The following ATP8B2 variants were observed in gnomAD, a reference collection of about 807,000 sequenced individuals.
The protein encoded by ATP8B2 is ATPase phospholipid transporting 8B2.
ATP8B2 carries 70 observed loss-of-function variants against 133.4 expected under a neutral mutation model. That is an observed-to-expected ratio of 0.52 (90% CI 0.43 to 0.64). The LOEUF is 0.64. Among genes scored for constraint, ATP8B2 ranks in the 30% least tolerant of loss-of-function variants. The probability of loss-of-function intolerance (pLI) is 0.00; values close to 1 mark genes in which losing one functional copy is unlikely to be tolerated. For missense variants in ATP8B2, 1,101 were observed against 1,535.7 expected, an observed-to-expected ratio of 0.72 and a Z score of 4.73; for synonymous variants, 517 against 589.5, an observed-to-expected ratio of 0.88 and a Z score of 1.78.
Position 154,328,277 on chromosome 1 carries a change from G to A in ATP8B2, c.31+105G>A. On this transcript the variant is annotated intron_variant, in intron 2 of 27. Transcript: ENST00000368489. The surrounding 1 kb of genome is among the most constrained non-coding windows in gnomAD (Gnocchi z 4.6). ...GACAACTGGTATGGGTCTGAGGGAG[G>A]GTAGCTTACAGCAGCCCCTACCCAG... The A allele has an allele frequency of 7.9e-7, 1 of 1,268,716 alleles. No individual in the cohort carries two copies. Among genetic ancestry groups the A allele is most frequent in the South Asian group, 1.2e-5 (1 of 83,348 alleles). The allele number at this position is 1,268,716 out of a possible 1,614,324, so 78.6% of individuals were successfully genotyped here. A position where few individuals can be genotyped will look rare whatever the true frequency, so the allele number is the denominator to read the frequency against.
intron 1 of ATP8B2, 145 bp downstream of exon 1, chr1:154,325,847 G>A (rs1570840531): frequency 6.5e-6 from 1 of 153,954 alleles, no homozygotes; most frequent in Non-Finnish European, 1.4e-5. Flanking sequence ...TGGGAGCTGC[G>A]GCCAGACGGG....
chr1:154,336,591 G>A (rs1686190810), intron 11 of ATP8B2, among the ~76,000 whole-genome samples: 1 of 150,092 alleles, frequency 6.7e-6, no homozygotes, highest in South Asian at 2.1e-4. Context: ...GGGTTCACGT[G>A]ATTCTCCTGC....
chr1:154,340,656 C>T lies in ATP8B2; in HGVS notation c.1035-198C>T, dbSNP rs995947049. ...CTGGAGAGCATCAGGAGGGTCGGGT[C>T]GGGGCGTTCCTCTGCTGGCTGTGTG... On this transcript the variant is annotated intron_variant, in intron 12 of 27. Coordinates refer to ENST00000368489, the MANE Select transcript of ATP8B2 (RefSeq NM_001370597.1). The surrounding 1 kb of genome is among the most constrained non-coding windows in gnomAD (Gnocchi z 4.0). 34 of 608,502 alleles carry T rather than the reference C, an allele frequency of 5.6e-5. 1 individual carries two copies. The South Asian group carries it at 5.7e-4, about 10-fold the overall frequency. 37.7% of individuals were successfully genotyped at this position (608,502 alleles called of 1,614,324 possible).
chr1:154,330,498 G>A (rs758609136), intron 3 of ATP8B2, 44 bp downstream of exon 3: 2 of 1,598,238 alleles, frequency 1.3e-6, no homozygotes, highest in Non-Finnish European at 8.6e-7. Context: ...TGTTTGGAGA[G>A]GGGAATGGGG....
rs749872657 is a variant in ATP8B2 at position 154,331,144 on chromosome 1, T to C, written c.301T>C (p.Tyr101His). Residue 101 changes from tyrosine to histidine, a missense_variant and splice_region_variant, in exon 5 of 28, where the codon TAT becomes CAT. Coordinates refer to ENST00000368489, the MANE Select transcript of ATP8B2 (RefSeq NM_001370597.1). The surrounding 1 kb of genome is among the most constrained non-coding windows in gnomAD (Gnocchi z 4.8). ...AGCTGTTAAAGATGCCACTGATGAC[T>C]ATGTGAGTGGTTTTCATTCTTCTAT... Reference protein sequence around the residue: ...ITAVKDATDDYFRHKSDNQVN... With the variant: ...ITAVKDATDDHFRHKSDNQVN... 1.1e-5 allele frequency: 17 copies of C among 1,612,496 alleles called. No homozygotes were observed. The East Asian group carries it at 1.1e-4, about 11-fold the overall frequency.
chr1:154,349,217 C>G lies in ATP8B2; in HGVS notation c.*99C>G. 1 of 1,430,440 alleles carries G rather than the reference C, an allele frequency of 7.0e-7. No individual in the cohort carries two copies. The highest frequency in any genetic ancestry group is 9.5e-7 in the Non-Finnish European group (1 of 1,058,044). The allele number at this position is 1,430,440 out of a possible 1,614,324, so 88.6% of individuals were successfully genotyped here. On this transcript the variant is annotated 3_prime_UTR_variant, in exon 28 of 28. Coordinates refer to ENST00000368489, the MANE Select transcript of ATP8B2 (RefSeq NM_001370597.1). The stretch of plus-strand genomic sequence containing the variant: ...CGGAACTGCTGGTCCTCATTCCTTG[C>G]TTCCCGTCCCCCCGGTAGACTCTGT...
At chr1:154,329,092 C>T in intron 2 of ATP8B2, 5 of 1,283,976 alleles carry the variant, frequency 3.9e-6, no homozygotes, top group Non-Finnish European at 5.1e-6. Context: ...GGAGGCAGCG[C>T]CTGGCAGCTC....
chr1:154,327,058 G>A (rs915312123), intron 1 of ATP8B2, among the ~76,000 whole-genome samples: 3 of 152,254 alleles, frequency 2.0e-5, no homozygotes, highest in African/African-American at 7.2e-5. Context: ...ATCTGAGCTA[G>A]CGAAGGGAGA....
intron 14 of ATP8B2, 30 bp downstream of exon 14, chr1:154,342,553 C>T: frequency 1.2e-6 from 2 of 1,606,076 alleles, no homozygotes; most frequent in Non-Finnish European, 1.7e-6. Flanking sequence ...ATTCTATGTG[C>T]CAGTGAAACA....
intron 8 of ATP8B2, 79 bp from the exon 9 acceptor site, chr1:154,332,539 C>A (rs1570851231): frequency 1.7e-6 from 2 of 1,169,148 alleles, no homozygotes; most frequent in African/African-American, 1.5e-5. Flanking sequence ...GCCTGAGCAG[C>A]AGAGCGAGAC....
chr1:154,341,171 G>C (rs745323706), intron 13 of ATP8B2, 109 bp downstream of exon 13: 1 of 1,168,506 alleles, frequency 8.6e-7, no homozygotes, highest in African/African-American at 1.5e-5. Context: ...TCCTAGTTGG[G>C]TCTGAGGGGC....
chr1:154,339,587 A>G (rs1287092803), intron 12 of ATP8B2, among the ~76,000 whole-genome samples: 1 of 152,180 alleles, frequency 6.6e-6, no homozygotes, highest in East Asian at 1.9e-4. Context: ...GTTCACTTGA[A>G]GCCCTTGGGA....
chr1:154,328,612 G>A lies in ATP8B2; in HGVS notation c.31+440G>A, dbSNP rs964226554. Among the ~76,000 whole-genome samples, 3 of 152,122 alleles carry A rather than the reference G, an allele frequency of 2.0e-5. No homozygotes were observed. The highest frequency in any genetic ancestry group is 7.2e-5 in the African/African-American group (3 of 41,450). ...CCGCTCACCCGCATTGGCCCGGCCC[G>A]GGGGTGGGAGGGGAGGCGGGGCTCG... On this transcript the variant is annotated intron_variant, in intron 2 of 27. Transcript: ENST00000368489. The surrounding 1 kb of genome is among the most constrained non-coding windows in gnomAD (Gnocchi z 4.6).
chr1:154,346,201 C>G lies in ATP8B2; in HGVS notation c.2779-30C>G, dbSNP rs779073269. ...AGGGTCAAAACGGCAACCTCTGAGG[C>G]CCCCTATGCTACATGGTCCTCCCAC... On this transcript the variant is annotated intron_variant, in intron 24 of 27. Transcript: ENST00000368489. This position sits in a 1 kb window ranked among gnomAD's most constrained non-coding sequence, Gnocchi z 4.5. The G allele has an allele frequency of 6.2e-7, 1 of 1,604,614 alleles. No homozygotes were observed. The highest frequency in any genetic ancestry group is 8.5e-7 in the Non-Finnish European group (1 of 1,174,950).
chr1:154,345,222 G>T lies in ATP8B2; in HGVS notation c.2470+68G>T. 6.2e-7 allele frequency: 1 copy of T among 1,600,938 alleles called. No homozygotes were observed. Among genetic ancestry groups the T allele is most frequent in the African/African-American group, 1.3e-5 (1 of 74,740 alleles). ...GGGGAGGGGCCCACTGAGGTCTCTG[G>T]ACTGCAGAAGAATGACGGGAAGGGG... On this transcript the variant is annotated intron_variant, in intron 22 of 27. Transcript: ENST00000368489. The surrounding 1 kb of genome is among the most constrained non-coding windows in gnomAD (Gnocchi z 5.6).
Position 154,340,128 on chromosome 1 carries a change from T to C in ATP8B2, c.1035-726T>C, listed in dbSNP as rs937532787. 6.6e-6 allele frequency among the ~76,000 whole-genome samples: 1 copy of C among 152,054 alleles called. No homozygotes were observed. The highest frequency in any genetic ancestry group is 6.5e-5 in the Admixed American group (1 of 15,274). On this transcript the variant is annotated intron_variant, in intron 12 of 27. Coordinates refer to ENST00000368489, the MANE Select transcript of ATP8B2 (RefSeq NM_001370597.1). The surrounding 1 kb of genome is among the most constrained non-coding windows in gnomAD (Gnocchi z 4.0). ...CCAGGAGTTTGAGGCTACAGTGAGCTATGATTACACTACTGCACTCCAGCT... is the reference window on the plus strand; with the variant it reads ...CCAGGAGTTTGAGGCTACAGTGAGCCATGATTACACTACTGCACTCCAGCT...
At chr1:154,337,903 A>G in intron 12 of ATP8B2, 1 of 609,990 alleles carries the variant, frequency 1.6e-6, no homozygotes. Flanking sequence ...ATCTAAACAC[A>G]TTATAAAACA....
chr1:154,331,032 T>A lies in ATP8B2; in HGVS notation c.205-16T>A. The A allele has an allele frequency of 6.2e-7, 1 of 1,611,198 alleles. No individual in the cohort carries two copies. Among genetic ancestry groups the A allele is most frequent in the South Asian group, 1.1e-5 (1 of 91,030 alleles). On this transcript the variant is annotated splice_polypyrimidine_tract_variant and intron_variant, in intron 4 of 27. Coordinates refer to ENST00000368489, the MANE Select transcript of ATP8B2 (RefSeq NM_001370597.1). The surrounding 1 kb of genome is among the most constrained non-coding windows in gnomAD (Gnocchi z 4.8). The stretch of plus-strand genomic sequence containing the variant: ...AGATGGGGCCTCAGAGGCATACTTC[T>A]CTTTCTTTTTTTCAGTTGATCCCCC...
At chr1:154,337,038 T>C (rs1686208963) in intron 11 of ATP8B2, among the ~76,000 whole-genome samples, 1 of 152,028 alleles carries the variant, frequency 6.6e-6, no homozygotes. Flanking sequence ...CCTCAGGTGA[T>C]CCATCCGCCT....
Sources: allele counts gnomAD v4.1 joint callset (sites outside exome capture counted in the v4.1 genomes callset), GRCh38; gene constraint gnomAD v4.1.1; non-coding constraint Gnocchi (gnomAD v3.1); transcripts MANE v1.5; gene names NCBI Gene and HGNC (gene_info 2026-07-23, HGNC 2026-07-21).